The following OVCH1 variants were observed in gnomAD, a reference collection of about 807,000 sequenced individuals.
OVCH1 encodes the protein ovochymase 1.
In OVCH1, 139 loss-of-function variants were observed where a neutral mutation model predicts 138.4. The ratio of observed to expected loss-of-function variants is 1.00; its 90% CI spans 0.87 to 1.16. The LOEUF is 1.16. Among genes scored for constraint, OVCH1 ranks in the 50% most tolerant of loss-of-function variants. The probability of loss-of-function intolerance (pLI) is 0.00; values close to 1 mark genes in which losing one functional copy is unlikely to be tolerated. For synonymous variants in OVCH1, 453 were observed against 467.8 expected (o/e 0.97, Z 0.41); for missense variants, 1,367 against 1,357.9 (o/e 1.01, Z -0.11).
intron 15 of OVCH1, 116 bp from the exon 16 acceptor site, chr12:29,472,098 T>A: frequency 9.1e-7 from 1 of 1,104,928 alleles, no homozygotes; most frequent in Non-Finnish European, 1.2e-6. Flanking sequence ...GGCTTTATAA[T>A]AATATTGACT....
intron 3 of OVCH1, among the ~76,000 whole-genome samples, chr12:29,413,811 C>G (rs1006489563): frequency 1.3e-5 from 2 of 152,238 alleles, no homozygotes; most frequent in African/African-American, 4.8e-5. Context: ...TTTTACTGTT[C>G]TTAAAAAAAT....
chr12:29,493,571 C>T (rs143343902), intron 4 of OVCH1, among the ~76,000 whole-genome samples: 114 of 152,208 alleles, frequency 7.5e-4, no homozygotes, highest in African/African-American at 1.8e-3. Context: ...CTGTCTTCTC[C>T]GGGTAATTAT....
intron 25 of OVCH1, 74 bp from the exon 26 acceptor site, chr12:29,440,818 C>G: frequency 2.3e-6 from 1 of 442,738 alleles, no homozygotes; most frequent in Non-Finnish European, 4.6e-6. Context: ...ATAAAAAAGA[C>G]AGCAGTTTAG....
At chr12:29,409,825 T>C (rs11050220), downstream of OVCH1, among the ~76,000 whole-genome samples, 100,961 of 151,890 alleles carry the variant, frequency 0.66, 34,936 homozygotes, top group Middle Eastern at 0.86. Context: ...CTATGAGGTC[T>C]GCTTGGTGCA....
chr12:29,452,914 C>A (rs1458244256), intron 21 of OVCH1, among the ~76,000 whole-genome samples: 1 of 152,134 alleles, frequency 6.6e-6, no homozygotes, highest in African/African-American at 2.4e-5. Flanking sequence ...GTATATAAAA[C>A]TTTCAAAGTT....
At chr12:29,439,312 T>C in intron 26 of OVCH1, 1 of 1,493,748 alleles carries the variant, frequency 6.7e-7, no homozygotes, top group East Asian at 2.4e-5. Context: ...TCTAATCACC[T>C]CTTTGAGTTA....
intron 7 of OVCH1, chr12:29,487,477 A>C (rs532206532): frequency 9.1e-6 from 4 of 440,494 alleles, no homozygotes; most frequent in African/African-American, 8.1e-5. Flanking sequence ...GCAAAAAGGC[A>C]TCTCATGAAA....
At chr12:29,474,062 CACACACACACAT>C (rs931788849) in intron 14 of OVCH1, among the ~76,000 whole-genome samples, 3 of 129,004 alleles carry the variant, frequency 2.3e-5, no homozygotes, top group East Asian at 2.1e-4. Flanking sequence ...ACTTAATAAA[CACACACACACAT>C]ACACACACAC....
intron 5 of OVCH1, among the ~76,000 whole-genome samples, chr12:29,490,362 G>A (rs1391687923): frequency 1.3e-5 from 2 of 152,150 alleles, no homozygotes; most frequent in Admixed American, 1.3e-4. Context: ...TTACAGGCGT[G>A]AGCCACTGCG....
the OVCH1 span, among the ~76,000 whole-genome samples, chr12:29,405,124 A>G: frequency 6.6e-6 from 1 of 151,020 alleles, no homozygotes; most frequent in Middle Eastern, 3.4e-3. Context: ...AATTCATCCA[A>G]GTATTGACTA....
At chr12:29,486,266 T>C in exon 8 of OVCH1, 1 of 1,613,488 alleles carries the variant, frequency 6.2e-7, no homozygotes, top group Non-Finnish European at 8.5e-7. Context: ...CTCTCTGGCT[T>C]CCATTCACTT....
intron 3 of OVCH1, among the ~76,000 whole-genome samples, chr12:29,414,875 ATAT>A (rs774794300): frequency 8.3e-4 from 127 of 152,314 alleles, no homozygotes; most frequent in Non-Finnish European, 1.4e-3. Context: ...AAAGTCTTTA[ATAT>A]TATGAAGCAA....
intron 22 of OVCH1, among the ~76,000 whole-genome samples, chr12:29,446,739 A>G (rs1235559025): frequency 6.6e-6 from 1 of 152,060 alleles, no homozygotes; most frequent in Non-Finnish European, 1.5e-5. Flanking sequence ...TTGGGAAGAA[A>G]AAGACTTTTT....
chr12:29,486,307 A>T, exon 8 of OVCH1: 1 of 1,613,782 alleles, frequency 6.2e-7, no homozygotes. Context: ...TTTGTTATAT[A>T]CCTTGAGCCC....
intron 16 of OVCH1, among the ~76,000 whole-genome samples, chr12:29,469,508 G>A (rs1942429162): frequency 6.6e-6 from 1 of 152,042 alleles, no homozygotes; most frequent in African/African-American, 2.4e-5. Context: ...CTTGAGACAG[G>A]AACAAGCTCA....
chr12:29,474,017 G>A (rs907541337), intron 14 of OVCH1, among the ~76,000 whole-genome samples: 1 of 151,360 alleles, frequency 6.6e-6, no homozygotes, highest in African/African-American at 2.4e-5. Context: ...CTTGCAGACA[G>A]CCTACTGTGG....
intron 3 of OVCH1, among the ~76,000 whole-genome samples, chr12:29,419,293 A>T (rs75681804): frequency 0.042 from 6,270 of 147,686 alleles, 168 homozygotes; most frequent in East Asian, 0.067. Flanking sequence ...ACAAAGTATG[A>T]TTTTTTTTTT....
Position 29,495,329 on chromosome 12 carries a change from C to T in OVCH1, c.410G>A (p.Ser137Asn), listed in dbSNP as rs187268767. The T allele has an allele frequency of 2.3e-4, 363 of 1,613,100 alleles. 2 individuals carry two copies. In the East Asian group the frequency reaches 6.7e-3, roughly 30 times the overall value. ...TAGATACAGCAGTGCAATATCAGGA[C>T]TCATATATTCACGGCTGTTGTATTC... The change falls in exon 4 of 28, where the codon AGT (serine) becomes AAT (asparagine). Residue 137 changes from serine to asparagine, a missense_variant. By Grantham distance (46) the Ser-to-Asn change is conservative. Coordinates refer to ENST00000318184, the Ensembl canonical transcript of OVCH1.
chr12:29,497,315 G>A lies in OVCH1; in HGVS notation c.64+308C>T, dbSNP rs367859126. 1.3e-4 allele frequency among the ~76,000 whole-genome samples: 20 copies of A among 150,262 alleles called. 1 individual carries two copies. In the South Asian group the frequency reaches 4.2e-3, roughly 31 times the overall value. ...AGGAATGACCTATACTACTCCGGAA[G>A]GGAGATATTTGTCTTTAAGTTACTT... On this transcript the variant is annotated intron_variant, in intron 1 of 27. Coordinates refer to ENST00000318184, the Ensembl canonical transcript of OVCH1.
Sources: allele counts gnomAD v4.1 joint callset (sites outside exome capture counted in the v4.1 genomes callset), GRCh38; gene constraint gnomAD v4.1.1; transcripts MANE v1.5; gene names NCBI Gene and HGNC (gene_info 2026-07-23, HGNC 2026-07-21).